AGAP1: variants seen among roughly 807,000 people sequenced by gnomAD.
The protein encoded by AGAP1 is arf-GAP with GTPase, ANK repeat and PH domain-containing protein 1.
Under a neutral mutation model 105.3 loss-of-function variants are expected in AGAP1, and 29 were observed. The observed-to-expected ratio is 0.28, with a 90% CI of 0.21 to 0.38. AGAP1 has a LOEUF of 0.38. Among genes scored for constraint, AGAP1 ranks in the 10% least tolerant of loss-of-function variants. The pLI is 1.00. For synonymous variants in AGAP1, 509 were observed against 485.9 expected (o/e 1.05, Z -0.63); for missense variants, 998 against 1,165.1 (o/e 0.86, Z 2.09).
chr2:235,568,253 G>A (rs985003449), intron 1 of AGAP1, among the ~76,000 whole-genome samples: 5 of 152,186 alleles, frequency 3.3e-5, no homozygotes, highest in African/African-American at 9.7e-5. Context: ...GCTAACTTGA[G>A]GGCAAAGGCG....
intron 1 of AGAP1, among the ~76,000 whole-genome samples, chr2:235,590,678 T>TGTGTGC (rs1553574109): frequency 7.5e-5 from 8 of 106,510 alleles, no homozygotes; most frequent in African/African-American, 2.7e-4. Context: ...TGTGTGTGTG[T>TGTGTGC]GTGTGTGCGT....
Position 235,699,079 on chromosome 2 carries a change from C to G in AGAP1, c.164-10100C>G, listed in dbSNP as rs973724764. On this transcript the variant is annotated intron_variant, in intron 1 of 17. Coordinates refer to ENST00000304032, the MANE Select transcript of AGAP1 (RefSeq NM_001037131.3). Reference sequence around the variant, plus strand: ...CACGGGCATCAGACATCCCCCCCCCCCACCCCACCTAGGCTCGCACAGGAG... The same window carrying G: ...CACGGGCATCAGACATCCCCCCCCCGCACCCCACCTAGGCTCGCACAGGAG... Among the ~76,000 whole-genome samples the G allele has an allele frequency of 4.7e-5, 7 of 149,746 alleles. No homozygotes were observed. The South Asian group carries it at 6.3e-4, about 14-fold the overall frequency.
At chr2:235,531,546 G>A (rs1282282497) in intron 1 of AGAP1, among the ~76,000 whole-genome samples, 4 of 151,464 alleles carry the variant, frequency 2.6e-5, no homozygotes, top group Non-Finnish European at 5.9e-5. Context: ...ATGTGTCCTC[G>A]CTTGTGCCAT....
At chr2:235,560,943 C>G (rs946185353) in intron 1 of AGAP1, among the ~76,000 whole-genome samples, 1 of 152,226 alleles carries the variant, frequency 6.6e-6, no homozygotes, top group Non-Finnish European at 1.5e-5. Flanking sequence ...GCTCCACCCT[C>G]CATCAGTTTC....
chr2:235,797,245 TAAATG>T (rs900539320), intron 6 of AGAP1, among the ~76,000 whole-genome samples: 1 of 152,168 alleles, frequency 6.6e-6, no homozygotes, highest in African/African-American at 2.4e-5. Context: ...GAGAATAACT[TAAATG>T]AGATAGGTGT....
intron 1 of AGAP1, among the ~76,000 whole-genome samples, chr2:235,554,041 A>G (rs1943896861): frequency 6.6e-6 from 1 of 152,196 alleles, no homozygotes; most frequent in Non-Finnish European, 1.5e-5. Context: ...ATTTGTAACT[A>G]ATACCACCCA....
rs187606920 is a variant in AGAP1, at chr2:235,869,530, G to A, written c.1051-13815G>A. On this transcript the variant is annotated intron_variant, in intron 9 of 17. Coordinates refer to ENST00000304032, the MANE Select transcript of AGAP1 (RefSeq NM_001037131.3). ...GCAGGAGAATCACTTGAACCCAGGA[G>A]GTGGAGGTTGCAGTGAGCCAAGATC... Among the ~76,000 whole-genome samples the A allele has an allele frequency of 5.3e-5, 8 of 152,024 alleles. No individual in the cohort carries two copies. The East Asian group carries it at 1.2e-3, about 22-fold the overall frequency.
At chr2:235,522,478 A>G (rs2149053537) in intron 1 of AGAP1, among the ~76,000 whole-genome samples, 1 of 152,242 alleles carries the variant, frequency 6.6e-6, no homozygotes, top group Non-Finnish European at 1.5e-5. Context: ...GAAGTGAGGA[A>G]GGAGAGGACG....
At chr2:235,828,921 C>A (rs1216516679) in intron 9 of AGAP1, among the ~76,000 whole-genome samples, 1 of 152,226 alleles carries the variant, frequency 6.6e-6, no homozygotes, top group Admixed American at 6.5e-5. Flanking sequence ...ACACAGCTCT[C>A]AGACGCAGCC....
chr2:235,597,559 G>T (rs995581213), intron 1 of AGAP1, among the ~76,000 whole-genome samples: 2 of 152,184 alleles, frequency 1.3e-5, no homozygotes, highest in African/African-American at 4.8e-5. Context: ...GGAAAACATT[G>T]CAACCACCTT....
Position 235,930,717 on chromosome 2 carries a change from T to C in AGAP1, c.1325-48T>C, listed in dbSNP as rs2052681470. On this transcript the variant is annotated intron_variant, in intron 11 of 17. Coordinates refer to ENST00000304032, the MANE Select transcript of AGAP1 (RefSeq NM_001037131.3). The surrounding 1 kb of genome is among the most constrained non-coding windows in gnomAD (Gnocchi z 7.9). ...CCATAGACTAACTCGCGCTGGTTTCTGTGGTCTGCAGTCCGCGGTGGTGTT... is the reference window on the plus strand; with the variant it reads ...CCATAGACTAACTCGCGCTGGTTTCCGTGGTCTGCAGTCCGCGGTGGTGTT... 1 of 1,584,436 alleles carries C rather than the reference T, an allele frequency of 6.3e-7. No individual in the cohort carries two copies.
intron 16 of AGAP1, among the ~76,000 whole-genome samples, chr2:236,103,662 T>C (rs2059415189): frequency 6.6e-6 from 1 of 151,908 alleles, no homozygotes; most frequent in Admixed American, 6.6e-5. Flanking sequence ...CTCCACCTCC[T>C]GGGTTCAAGC....
Position 235,655,210 on chromosome 2 carries a change from A to G in AGAP1, c.164-53969A>G, listed in dbSNP as rs913054105. Among the ~76,000 whole-genome samples the G allele has an allele frequency of 1.3e-5, 2 of 152,216 alleles. No individual in the cohort carries two copies. Among genetic ancestry groups the G allele is most frequent in the Non-Finnish European group, 2.9e-5 (2 of 68,042 alleles). ...ACATGGAATTAATTAAATGTACAGA[A>G]GCTGGAAGGTAGACAGGTCGTTGTC... On this transcript the variant is annotated intron_variant, in intron 1 of 17. Coordinates refer to ENST00000304032, the MANE Select transcript of AGAP1 (RefSeq NM_001037131.3). This position sits in a 1 kb window ranked among gnomAD's most constrained non-coding sequence, Gnocchi z 4.3.
intron 10 of AGAP1, among the ~76,000 whole-genome samples, chr2:235,895,748 T>TA (rs2050776636): frequency 1.7e-5 from 1 of 60,586 alleles, no homozygotes; most frequent in Admixed American, 1.3e-4. Context: ...GATGGATGGA[T>TA]GAATGGAGGC....
In AGAP1 at chr2:235,961,147, G is replaced by A. The variant is rs944507317; in HGVS notation, c.1484-7315G>A. ...CGAGCGCTCATAGGGAAGATGTTCC[G>A]TAAACAAAGAAACACGCATGGAGCA... On this transcript the variant is annotated intron_variant, in intron 12 of 17. Transcript: ENST00000304032. The surrounding 1 kb of genome is among the most constrained non-coding windows in gnomAD (Gnocchi z 5.9). 1.3e-5 allele frequency among the ~76,000 whole-genome samples: 2 copies of A among 152,206 alleles called. No homozygotes were observed. Among genetic ancestry groups the A allele is most frequent in the African/African-American group, 4.8e-5 (2 of 41,458 alleles).
rs1037310640 is a variant in AGAP1 at position 235,783,222 on chromosome 2, T to C, written c.674-14537T>C. The C allele has an allele frequency of 3.2e-5, 12 of 376,826 alleles. No homozygotes were observed. In the Admixed American group the frequency reaches 3.7e-4, roughly 12 times the overall value. The allele number at this position is 376,826 out of a possible 1,614,324, so 23.3% of individuals were successfully genotyped here. On this transcript the variant is annotated intron_variant, in intron 6 of 17. Coordinates refer to ENST00000304032, the MANE Select transcript of AGAP1 (RefSeq NM_001037131.3). The stretch of plus-strand genomic sequence containing the variant: ...AGTGAAAGATACTTTCCTAAGGTAG[T>C]TTATAGCAAGATTTGGGGATTAAAA...
intron 1 of AGAP1, chr2:235,524,435 T>C (rs1942751155): frequency 7.9e-6 from 2 of 254,470 alleles, no homozygotes; most frequent in South Asian, 3.9e-5. Context: ...GGGGCAAGTT[T>C]AGAGCCTTTG....
Position 235,763,956 on chromosome 2 carries a change from T to C in AGAP1, c.673+13468T>C, listed in dbSNP as rs75843954. ...GGAGCAGCCGTGCTCCCCAGAATGC[T>C]GACAGCACAGAGCACTGGTCTGAAG... On this transcript the variant is annotated intron_variant, in intron 6 of 17. Transcript: ENST00000304032. Among the ~76,000 whole-genome samples the C allele has an allele frequency of 3.9e-3, 585 of 150,722 alleles. 4 individuals carry two copies. The highest frequency in any genetic ancestry group is 0.017 in the Middle Eastern group (5 of 288).
rs535040307 is a variant in AGAP1 at position 235,715,506 on chromosome 2, C to T, written c.223-2051C>T. Among the ~76,000 whole-genome samples the T allele has an allele frequency of 1.6e-4, 25 of 152,296 alleles. No homozygotes were observed. In the South Asian group the frequency reaches 5.2e-3, roughly 32 times the overall value. ...CAGGTGACAGGAGCAGTGAAGTGTT[C>T]TTGCGGCAAGTTCATGGACCTGCTG... On this transcript the variant is annotated intron_variant, in intron 2 of 17. Transcript: ENST00000304032.
Sources: gnomAD v4.1 joint callset for allele counts (sites outside exome capture counted in the v4.1 genomes callset) on GRCh38, gnomAD v4.1.1 for gene constraint, Gnocchi (gnomAD v3.1) non-coding constraint, MANE v1.5 for transcripts, NCBI Gene and HGNC (gene_info 2026-07-23, HGNC 2026-07-21) for gene names.